The following MED1 variants were observed in gnomAD, a reference collection of about 807,000 sequenced individuals.
MED1 encodes mediator of RNA polymerase II transcription subunit 1.
Under a neutral mutation model 121.3 loss-of-function variants are expected in MED1, and 17 were observed. That is an observed-to-expected ratio of 0.14 (90% CI 0.10 to 0.21). The LOEUF (loss-of-function observed/expected upper bound fraction) is 0.21. Among genes scored for constraint, MED1 ranks in the 10% least tolerant of loss-of-function variants. MED1 has a pLI of 1.00. For synonymous variants in MED1, 661 were observed against 694.4 expected (o/e 0.95, Z 0.76); for missense variants, 1,558 against 1,919.4 (o/e 0.81, Z 3.52).
chr17:39,433,484 C>G (rs2048587370), intron 7 of MED1, among the ~76,000 whole-genome samples: 1 of 151,216 alleles, frequency 6.6e-6, no homozygotes, highest in African/African-American at 2.4e-5. Flanking sequence ...AGCCACTGTG[C>G]CCAGCCTAAA....
Position 39,410,051 on chromosome 17 carries a change from A to T in MED1, c.2170T>A (p.Phe724Ile), listed in dbSNP as rs375343094. 127 of 1,614,022 alleles carry T rather than the reference A, an allele frequency of 7.9e-5. No homozygotes were observed. Among genetic ancestry groups the T allele is most frequent in the Non-Finnish European group, 1.0e-4 (119 of 1,180,044 alleles). The part of the protein sequence containing the change: ...SMDVDSQNPI[F>I]DVNMTADTLD... ...GTGTCAGCTGTCATGTTGACATCAA[A>T]GATAGGGTTCTGTGAGTCAACATCC... The change falls in exon 17 of 17, where the codon TTT becomes ATT. Residue 724 changes from phenylalanine (F) to isoleucine (I), a missense_variant. Transcript: ENST00000300651.
intron 1 of MED1, among the ~76,000 whole-genome samples, chr17:39,450,539 G>GT (rs1333026404): frequency 6.6e-6 from 1 of 152,142 alleles, no homozygotes; most frequent in Non-Finnish European, 1.5e-5. Flanking sequence ...CAGAAAAGTT[G>GT]TTTTTCTGCA....
rs1367274085 is a variant in MED1 at position 39,451,027 on chromosome 17, C to CA, written c.25+10dup. The CA allele has an allele frequency of 4.3e-6, 7 of 1,609,644 alleles. No individual in the cohort carries two copies. Among genetic ancestry groups the CA allele is most frequent in the African/African-American group, 1.3e-5 (1 of 74,730 alleles). On this transcript the variant is annotated intron_variant, in intron 1 of 16. Coordinates refer to ENST00000300651, the MANE Select transcript of MED1 (RefSeq NM_004774.4). Reference sequence around the variant, plus strand: ...GTGTCCCGCCCCCTCCTTTCCCCTACAGTCACTTACCCTCGGTTTCCCCCT... The same window carrying CA: ...GTGTCCCGCCCCCTCCTTTCCCCTACAAGTCACTTACCCTCGGTTTCCCCCT...
rs537748619 is a variant in MED1, at chr17:39,439,825, C to G, written c.399+561G>C. ...TGGTGGCACACACCTGTAATCCCAG[C>G]TACTTGGGAGGCTGAGGCAGGAGAA... On this transcript the variant is annotated intron_variant, in intron 5 of 16. Transcript: ENST00000300651. 1.5e-4 allele frequency among the ~76,000 whole-genome samples: 23 copies of G among 151,844 alleles called. No individual in the cohort carries two copies. In the South Asian group the frequency reaches 4.6e-3, roughly 30 times the overall value.
Position 39,431,191 on chromosome 17 carries a change from G to A in MED1, c.576-3C>T. ...AGGGACCAGCATTAGTTGCTTTCCT[G>A]TAAGACAAGTGATCTATGTTTGCTT... On this transcript the variant is annotated splice_region_variant and splice_polypyrimidine_tract_variant and intron_variant, in intron 8 of 16. Coordinates refer to ENST00000300651, the MANE Select transcript of MED1 (RefSeq NM_004774.4). 6.2e-7 allele frequency: 1 copy of A among 1,606,998 alleles called. No individual in the cohort carries two copies. Among genetic ancestry groups the A allele is most frequent in the Non-Finnish European group, 8.5e-7 (1 of 1,173,744 alleles).
chr17:39,409,962 T>G lies in MED1; in HGVS notation c.2259A>C (p.Pro753=). The change falls in exon 17 of 17, where the codon CCA becomes CCC. Residue 753 remains proline (P), a synonymous_variant. Coordinates refer to ENST00000300651, the MANE Select transcript of MED1 (RefSeq NM_004774.4). ...TGGGTTGGGGGTGAGGTACTGGTTGTGGGTAAGTTGTTGGGGGAGTGCTAC... is the reference window on the plus strand; with the variant it reads ...TGGGTTGGGGGTGAGGTACTGGTTGGGGGTAAGTTGTTGGGGGAGTGCTAC... ...SQCSTPPTTY[P]QPVPHPQPSI... is the part of the protein sequence containing the mutation. The G allele has an allele frequency of 6.2e-7, 1 of 1,613,942 alleles. No homozygotes were observed. Among genetic ancestry groups the G allele is most frequent in the African/African-American group, 1.3e-5 (1 of 74,962 alleles).
In MED1 at chr17:39,440,597, T is replaced by C; in HGVS notation, c.266+26A>G. 5 of 1,612,604 alleles carry C rather than the reference T, an allele frequency of 3.1e-6. No individual in the cohort carries two copies. The highest frequency in any genetic ancestry group is 4.2e-6 in the Non-Finnish European group (5 of 1,179,036). On this transcript the variant is annotated intron_variant, in intron 4 of 16. Coordinates refer to ENST00000300651, the MANE Select transcript of MED1 (RefSeq NM_004774.4). This position sits in a 1 kb window ranked among gnomAD's most constrained non-coding sequence, Gnocchi z 4.1. ...CCCAAAGTTAACACTAAGTTAAACATTTCTGCCTACAGAAAGACTACTTAC... is the reference window on the plus strand; with the variant it reads ...CCCAAAGTTAACACTAAGTTAAACACTTCTGCCTACAGAAAGACTACTTAC...
chr17:39,447,759 C>G, intron 2 of MED1, 39 bp downstream of exon 2: 1 of 1,433,134 alleles, frequency 7.0e-7, no homozygotes, highest in Non-Finnish European at 9.8e-7. Flanking sequence ...GAATAATTAT[C>G]TAAGCAAAAC....
At position 39,410,335 on chromosome 17, in the gene MED1, G is replaced by A. The variant is rs773973569; in HGVS notation, c.1886C>T (p.Pro629Leu). The A allele has an allele frequency of 1.8e-5, 29 of 1,613,814 alleles. No individual in the cohort carries two copies. Among genetic ancestry groups the A allele is most frequent in the African/African-American group, 2.7e-5 (2 of 74,830 alleles). ...GCCGGCCATCGAAGAGACAGGTGGC[G>A]GCGTGTGATGAGGAGGGGTCGGACT... ...GSSPTPPHHT[P>L]PPVSSMAGNT... is the part of the protein sequence containing the mutation. Residue 629 changes from proline (P) to leucine (L), a missense_variant, in exon 17 of 17, where the codon CCG becomes CTG. By Grantham distance (98) the Pro-to-Leu change is moderately conservative. Transcript: ENST00000300651.
rs1325398652 is a variant in MED1 at position 39,408,851 on chromosome 17, TTGA to T, written c.3367_3369del (p.Ser1125del). The T allele has an allele frequency of 6.2e-7, 1 of 1,614,132 alleles. No homozygotes were observed. Among genetic ancestry groups the T allele is most frequent in the South Asian group, 1.1e-5 (1 of 91,070 alleles). On this transcript the variant is annotated inframe_deletion, in exon 17 of 17. Transcript: ENST00000300651. The surrounding 1 kb of genome is among the most constrained non-coding windows in gnomAD (Gnocchi z 4.7). ...TACATACTGCTACTTAACTTGGAAC[TTGA>T]TGAACCTTCTGATTTACTGCTTTTC...
At chr17:39,426,017 A>T (rs1481437093) in intron 10 of MED1, among the ~76,000 whole-genome samples, 2 of 152,146 alleles carry the variant, frequency 1.3e-5, no homozygotes, top group African/African-American at 4.8e-5. Context: ...CTGTAATCCT[A>T]GCACTTTGGG....
intron 6 of MED1, 109 bp from the exon 7 acceptor site, chr17:39,434,429 AT>A: frequency 1.8e-6 from 1 of 549,570 alleles, no homozygotes; most frequent in Non-Finnish European, 3.2e-6. Flanking sequence ...ACTGATTTTA[AT>A]AATCAGCTTT....
At chr17:39,430,138 A>C (rs1468096179) in intron 9 of MED1, among the ~76,000 whole-genome samples, 3 of 152,028 alleles carry the variant, frequency 2.0e-5, no homozygotes, top group Admixed American at 2.0e-4. Flanking sequence ...TAATCCCAGC[A>C]CTTTGGGCAG....
chr17:39,412,493 A>T (rs560367951), intron 16 of MED1, among the ~76,000 whole-genome samples: 2 of 141,732 alleles, frequency 1.4e-5, no homozygotes, highest in East Asian at 2.2e-4. Flanking sequence ...AAGTGCTGGG[A>T]TTATAGGCGT....
At chr17:39,448,520 T>A (rs1597877838) in intron 1 of MED1, among the ~76,000 whole-genome samples, 2 of 134,636 alleles carry the variant, frequency 1.5e-5, no homozygotes, top group African/African-American at 2.9e-5. Flanking sequence ...ACTTACTCCA[T>A]CCTAGGCAAC....
At chr17:39,425,100 C>T (rs113897737) in intron 10 of MED1, among the ~76,000 whole-genome samples, 15,640 of 151,986 alleles carry the variant, frequency 0.1, 865 homozygotes, top group African/African-American at 0.15. Flanking sequence ...AGGATGGTCT[C>T]GATCTCTTGA....
intron 6 of MED1, among the ~76,000 whole-genome samples, chr17:39,436,526 T>C (rs2048620704): frequency 6.6e-6 from 1 of 152,098 alleles, no homozygotes; most frequent in Non-Finnish European, 1.5e-5. Context: ...AAGTCTTAAC[T>C]CTGAGTTTAA....
At chr17:39,433,412 T>C (rs1015803789) in intron 7 of MED1, among the ~76,000 whole-genome samples, 29 of 151,568 alleles carry the variant, frequency 1.9e-4, no homozygotes, top group African/African-American at 6.8e-4. Context: ...CATTAATTCT[T>C]GACTGGACCT....
chr17:39,439,628 G>C (rs2048652516), intron 5 of MED1, among the ~76,000 whole-genome samples: 1 of 152,114 alleles, frequency 6.6e-6, no homozygotes, highest in African/African-American at 2.4e-5. Flanking sequence ...CGTGGCTCAT[G>C]TTTGTTGATA....
Sources: gnomAD v4.1 joint callset for allele counts (sites outside exome capture counted in the v4.1 genomes callset) on GRCh38, gnomAD v4.1.1 for gene constraint, Gnocchi (gnomAD v3.1) non-coding constraint, MANE v1.5 for transcripts, NCBI Gene and HGNC (gene_info 2026-07-23, HGNC 2026-07-21) for gene names.